UGT8: variants seen among roughly 807,000 people sequenced by gnomAD.
UGT8 encodes the protein UDP glycosyltransferase 8, also known as 2-hydroxyacylsphingosine 1-beta-galactosyltransferase.
In UGT8, 12 loss-of-function variants were observed where a neutral mutation model predicts 40.5. The ratio of observed to expected loss-of-function variants is 0.30; its 90% CI spans 0.19 to 0.48. UGT8 has a LOEUF of 0.48. UGT8 is among the 20% of genes least tolerant of loss of function. UGT8 has a pLI of 0.99. For synonymous variants in UGT8, 224 were observed against 240.4 expected, an observed-to-expected ratio of 0.93 and a Z score of 0.63; for missense variants, 513 against 648.7, an observed-to-expected ratio of 0.79 and a Z score of 2.27.
intron 1 of UGT8, among the ~76,000 whole-genome samples, chr4:114,612,908 TG>T (rs1248970272): frequency 3.3e-5 from 5 of 152,338 alleles, no homozygotes; most frequent in Admixed American, 3.3e-4. Context: ...CTTTTCATTT[TG>T]TTTCTTAGAA....
At chr4:114,665,550 G>T (rs1311632910) in intron 3 of UGT8, 130 bp from the exon 4 acceptor site, 20 of 1,270,668 alleles carry the variant, frequency 1.6e-5, no homozygotes, top group Middle Eastern at 2.8e-4. Flanking sequence ...ACCAAAGCAT[G>T]GTTTCATTCT....
At position 114,640,438 on chromosome 4, in the gene UGT8, C is replaced by A. The variant is rs187000078; in HGVS notation, c.822+16736C>A. Among the ~76,000 whole-genome samples the A allele has an allele frequency of 1.0e-3, 159 of 151,442 alleles. 1 individual carries two copies. Among genetic ancestry groups the A allele is most frequent in the African/African-American group, 3.5e-3 (143 of 41,446 alleles). The stretch of plus-strand genomic sequence containing the variant: ...GACTCAAGTAGGCCCTAGCTGACAT[C>A]CAAAATAAAATAAGAGATTTTTTTA... On this transcript the variant is annotated intron_variant, in intron 2 of 5. Transcript: ENST00000310836.
rs529571922 is a variant in UGT8, at chr4:114,631,601, G to C, written c.822+7899G>C. Among the ~76,000 whole-genome samples the C allele has an allele frequency of 2.6e-5, 4 of 152,240 alleles. No individual in the cohort carries two copies. In the East Asian group the frequency reaches 7.7e-4, roughly 29 times the overall value. ...TCAGAATTCCATGAAATTCCTGTCGGCACGTGATTGTAGGCCACTTAGTAG... is the reference window on the plus strand; with the variant it reads ...TCAGAATTCCATGAAATTCCTGTCGCCACGTGATTGTAGGCCACTTAGTAG... On this transcript the variant is annotated intron_variant, in intron 2 of 5. Transcript: ENST00000310836.
At chr4:114,601,255 A>G (rs1219391979) in intron 1 of UGT8, among the ~76,000 whole-genome samples, 1 of 152,222 alleles carries the variant, frequency 6.6e-6, no homozygotes, top group Non-Finnish European at 1.5e-5. Context: ...TACATTTCCC[A>G]ATAATTTAAA....
intron 1 of UGT8, among the ~76,000 whole-genome samples, chr4:114,609,170 C>T (rs886672741): frequency 1.3e-5 from 2 of 152,062 alleles, no homozygotes; most frequent in South Asian, 4.2e-4. Context: ...AGTTGAGGCT[C>T]AGGCTGTAGT....
intron 2 of UGT8, among the ~76,000 whole-genome samples, chr4:114,646,049 T>G (rs77437354): frequency 7.7e-4 from 118 of 152,306 alleles, no homozygotes; most frequent in East Asian, 3.9e-4. Context: ...TAAGAAGTAT[T>G]GCAGAGTATC....
chr4:114,666,429 G>T (rs1030709869), intron 4 of UGT8, among the ~76,000 whole-genome samples: 6 of 151,956 alleles, frequency 3.9e-5, no homozygotes, highest in Non-Finnish European at 7.4e-5. Context: ...AACCAGTAAA[G>T]AATTTTATTT....
intron 4 of UGT8, among the ~76,000 whole-genome samples, chr4:114,667,449 T>G (rs1260696240): frequency 4.6e-5 from 7 of 152,198 alleles, no homozygotes; most frequent in Admixed American, 4.6e-4. Flanking sequence ...TTATCTTTTT[T>G]ATTCCCATAA....
chr4:114,611,445 T>TACAC lies in UGT8; in HGVS notation c.-2-11424_-2-11421dup, dbSNP rs66529253. Among the ~76,000 whole-genome samples, 177 of 104,672 alleles carry TACAC rather than the reference T, an allele frequency of 1.7e-3. 2 individuals are homozygous for TACAC. The highest frequency in any genetic ancestry group is 8.3e-3 in the African/African-American group (164 of 19,830). 68.7% of individuals were successfully genotyped at this position (104,672 alleles called of 152,430 possible). ...ATATATATATATATATATATATATA[T>TACAC]ACACACACACACAGAGATATTAGAT... On this transcript the variant is annotated intron_variant, in intron 1 of 5. Transcript: ENST00000310836.
intron 2 of UGT8, among the ~76,000 whole-genome samples, chr4:114,634,215 AGAAGTTCTTTAG>A (rs2126108094): frequency 6.6e-6 from 1 of 152,308 alleles, no homozygotes; most frequent in South Asian, 2.1e-4. Flanking sequence ...TAAGGGATGA[AGAAGTTCTTTAG>A]GAAAATACAT....
intron 1 of UGT8, among the ~76,000 whole-genome samples, chr4:114,614,326 G>A (rs1396010569): frequency 6.6e-6 from 1 of 152,102 alleles, no homozygotes; most frequent in East Asian, 1.9e-4. Flanking sequence ...TTTTTGAGTG[G>A]TATTCCTAAT....
chr4:114,620,623 T>C (rs1266706771), intron 1 of UGT8, among the ~76,000 whole-genome samples: 1 of 152,234 alleles, frequency 6.6e-6, no homozygotes, highest in Non-Finnish European at 1.5e-5. Flanking sequence ...TTATATTATA[T>C]GTTTGTAATG....
At chr4:114,621,026 T>C (rs1267197798) in intron 1 of UGT8, among the ~76,000 whole-genome samples, 2 of 152,212 alleles carry the variant, frequency 1.3e-5, no homozygotes, top group Admixed American at 1.3e-4. Context: ...GGGTCTAATT[T>C]AGAGTCTAAG....
intron 1 of UGT8, among the ~76,000 whole-genome samples, chr4:114,617,195 A>T (rs1731496071): frequency 6.6e-6 from 1 of 152,244 alleles, no homozygotes; most frequent in Non-Finnish European, 1.5e-5. Flanking sequence ...TGAAGGTTGT[A>T]GTGAGCTGAG....
At chr4:114,651,802 G>A (rs912755144) in intron 2 of UGT8, among the ~76,000 whole-genome samples, 3 of 151,984 alleles carry the variant, frequency 2.0e-5, no homozygotes, top group African/African-American at 7.2e-5. Flanking sequence ...AACATTTTGG[G>A]AAAATGTGCA....
chr4:114,675,309 A>C (rs985414943), intron 5 of UGT8, among the ~76,000 whole-genome samples: 1 of 152,220 alleles, frequency 6.6e-6, no homozygotes, highest in Non-Finnish European at 1.5e-5. Context: ...GAGAAGAACT[A>C]CATGTAATGT....
intron 2 of UGT8, among the ~76,000 whole-genome samples, chr4:114,625,851 A>G (rs1029043813): frequency 3.3e-5 from 5 of 152,124 alleles, no homozygotes; most frequent in Non-Finnish European, 7.4e-5. Flanking sequence ...TTAATTTGCC[A>G]TAATTTCTCA....
intron 2 of UGT8, among the ~76,000 whole-genome samples, chr4:114,645,512 C>T (rs1257296407): frequency 6.6e-6 from 1 of 151,990 alleles, no homozygotes; most frequent in Admixed American, 6.6e-5. Context: ...CGCCATATTA[C>T]ACATAATATT....
chr4:114,623,815 A>T (rs1486023646), intron 2 of UGT8, 113 bp downstream of exon 2: 22 of 1,366,194 alleles, frequency 1.6e-5, no homozygotes, highest in Non-Finnish European at 2.0e-5. Flanking sequence ...AGTACACTAA[A>T]AGGTGATTAG....
Sources: allele counts gnomAD v4.1 joint callset (sites outside exome capture counted in the v4.1 genomes callset), GRCh38; gene constraint gnomAD v4.1.1; transcripts MANE v1.5; gene names NCBI Gene and HGNC (gene_info 2026-07-23, HGNC 2026-07-21).